SYNJ2: variants seen among roughly 807,000 people sequenced by gnomAD.
SYNJ2 encodes polyphosphatidylinositol phosphatase SYNJ2.
In SYNJ2, 116 loss-of-function variants were observed where a neutral mutation model predicts 141.3. That is an observed-to-expected ratio of 0.82 (90% CI 0.71 to 0.96). The LOEUF (loss-of-function observed/expected upper bound fraction) is 0.96. Ranked by LOEUF, SYNJ2 falls within the 40% of genes least tolerant of loss-of-function variation. The probability of loss-of-function intolerance (pLI) is 0.00; values close to 1 mark genes in which losing one functional copy is unlikely to be tolerated. For missense variants in SYNJ2, 1,873 were observed against 1,934.8 expected (o/e 0.97, Z 0.60); for synonymous variants, 745 against 777.7 (o/e 0.96, Z 0.70).
chr6:158,056,696 C>T (rs1337806093), intron 6 of SYNJ2, among the ~76,000 whole-genome samples: 2 of 152,176 alleles, frequency 1.3e-5, no homozygotes, highest in African/African-American at 2.4e-5. Context: ...TGGGTGCTTC[C>T]CAATTCTCTT....
chr6:158,084,808 T>A lies in SYNJ2; in HGVS notation c.3208+634T>A, dbSNP rs1379036072. Reference sequence around the variant, plus strand: ...GCTTGGGTGACAAAGTGAGATTCCGTCTCAAAACAACAACAACAAAAAAAC... The same window carrying A: ...GCTTGGGTGACAAAGTGAGATTCCGACTCAAAACAACAACAACAAAAAAAC... On this transcript the variant is annotated intron_variant, in intron 22 of 26. Transcript: ENST00000355585. This position sits in a 1 kb window ranked among gnomAD's most constrained non-coding sequence, Gnocchi z 5.0. 6.6e-6 allele frequency among the ~76,000 whole-genome samples: 1 copy of A among 151,770 alleles called. No individual in the cohort carries two copies. The highest frequency in any genetic ancestry group is 1.5e-5 in the Non-Finnish European group (1 of 67,988).
At chr6:158,012,520 A>G (rs1778304254) in intron 1 of SYNJ2, among the ~76,000 whole-genome samples, 1 of 152,234 alleles carries the variant, frequency 6.6e-6, no homozygotes, top group Non-Finnish European at 1.5e-5. Context: ...GGGAGCTGCA[A>G]GAGACAAGGA....
chr6:158,017,736 T>A (rs1181262960), intron 2 of SYNJ2: 4 of 531,470 alleles, frequency 7.5e-6, no homozygotes, highest in Non-Finnish European at 1.5e-5. Context: ...TCTTTTAAGA[T>A]GTTTCTTTAT....
Position 158,097,702 on chromosome 6 carries a change from T to A in SYNJ2, c.*1338T>A, listed in dbSNP as rs1783861622. 6.6e-6 allele frequency: 1 copy of A among 152,234 alleles called. No individual in the cohort carries two copies. Among genetic ancestry groups the A allele is most frequent in the African/African-American group, 2.4e-5 (1 of 41,458 alleles). The allele number at this position is 152,234 out of a possible 1,614,324, so 9.4% of individuals were successfully genotyped here. A position where few individuals can be genotyped will look rare whatever the true frequency, so the allele number is the denominator to read the frequency against. On this transcript the variant is annotated 3_prime_UTR_variant, in exon 27 of 27. Coordinates refer to ENST00000355585, the MANE Select transcript of SYNJ2 (RefSeq NM_003898.4). Reference sequence around the variant, plus strand: ...TGCCTGGGCTATGCCACTGTCTTGTTACCAATTAGACATCTGGAATTTCAT... The same window carrying A: ...TGCCTGGGCTATGCCACTGTCTTGTAACCAATTAGACATCTGGAATTTCAT...
Position 158,064,532 on chromosome 6 carries a change from C to T in SYNJ2, c.1210-69C>T, listed in dbSNP as rs924560110. 16 of 1,579,128 alleles carry T rather than the reference C, an allele frequency of 1.0e-5. No individual in the cohort carries two copies. In the South Asian group the frequency reaches 1.2e-4, roughly 11 times the overall value. On this transcript the variant is annotated intron_variant, in intron 9 of 26. Transcript: ENST00000355585. ...ATCCACAGGCTGCCGAATAAGGAAC[C>T]TCCTGGGACAGTGGCTGCAGGGCCT...
At chr6:157,987,653 C>T (rs777691748) in intron 1 of SYNJ2, among the ~76,000 whole-genome samples, 1 of 152,190 alleles carries the variant, frequency 6.6e-6, no homozygotes. Flanking sequence ...CCGCCCGCCT[C>T]GGCCTCCCAA....
At chr6:158,037,623 G>A (rs1370121432) in intron 4 of SYNJ2, among the ~76,000 whole-genome samples, 2 of 151,928 alleles carry the variant, frequency 1.3e-5, no homozygotes, top group African/African-American at 2.4e-5. Flanking sequence ...GGATGGTCTC[G>A]ATCTCCTGAC....
chr6:157,991,191 G>A (rs981220512), intron 1 of SYNJ2, among the ~76,000 whole-genome samples: 28 of 152,318 alleles, frequency 1.8e-4, no homozygotes, highest in African/African-American at 4.1e-4. Flanking sequence ...CACATTTGCC[G>A]GAGAAAGTGG....
intron 2 of SYNJ2, among the ~76,000 whole-genome samples, chr6:158,024,517 A>G (rs537063257): frequency 9.9e-5 from 15 of 152,232 alleles, no homozygotes; most frequent in Non-Finnish European, 2.2e-4. Flanking sequence ...CATTCAGCCA[A>G]TAGCAGGTAC....
At chr6:158,073,222 C>A (rs966322346) in intron 15 of SYNJ2, among the ~76,000 whole-genome samples, 2 of 151,918 alleles carry the variant, frequency 1.3e-5, no homozygotes, top group African/African-American at 4.8e-5. Flanking sequence ...TTTTTTGAGA[C>A]AGTCTCACTC....
At position 158,093,120 on chromosome 6, in the gene SYNJ2, CAT is replaced by C. The variant is rs1202439855; in HGVS notation, c.3744+18_3744+19del. 6.2e-7 allele frequency: 1 copy of C among 1,606,096 alleles called. No individual in the cohort carries two copies. The highest frequency in any genetic ancestry group is 8.5e-7 in the Non-Finnish European group (1 of 1,177,722). On this transcript the variant is annotated intron_variant, in intron 26 of 26. Transcript: ENST00000355585. ...GACAGGAAAGGTAAAAGCCTGGTAA[CAT>C]AAAACCTCTTACTCCTAAGTTGCTC...
rs866951163 is a variant in SYNJ2, at chr6:158,064,923, T to C, written c.1457T>C (p.Val486Ala). The C allele has an allele frequency of 4.3e-6, 7 of 1,613,568 alleles. No individual in the cohort carries two copies. Among genetic ancestry groups the C allele is most frequent in the East Asian group, 2.2e-5 (1 of 44,874 alleles). ...CAGGAGGCCATCAAGCTGCTGCTGGTTGGGGACGTCTACGGCGAGGAGGTG... is the reference window on the plus strand; with the variant it reads ...CAGGAGGCCATCAAGCTGCTGCTGGCTGGGGACGTCTACGGCGAGGAGGTG... ...VKQEAIKLLL[V>A]GDVYGEEVAD... is the part of the protein sequence containing the mutation. The change falls in exon 11 of 27, where the codon GTT becomes GCT. Residue 486 changes from valine (V) to alanine (A), a missense_variant. Transcript: ENST00000355585.
chr6:158,075,546 C>T (rs2128381145), intron 16 of SYNJ2, among the ~76,000 whole-genome samples: 1 of 151,864 alleles, frequency 6.6e-6, no homozygotes. Flanking sequence ...GAGACTGAGG[C>T]AGGAGAATCG....
chr6:158,055,496 G>A (rs1780813540), intron 6 of SYNJ2, among the ~76,000 whole-genome samples: 1 of 136,678 alleles, frequency 7.3e-6, no homozygotes, highest in Admixed American at 7.2e-5. Flanking sequence ...AACAATTTTG[G>A]CATTTTATGT....
chr6:158,039,406 C>T (rs187501291), intron 4 of SYNJ2, among the ~76,000 whole-genome samples: 3 of 152,316 alleles, frequency 2.0e-5, no homozygotes, highest in South Asian at 2.1e-4. Flanking sequence ...GAAGCAGCCC[C>T]GTGAGGATCG....
intron 1 of SYNJ2, among the ~76,000 whole-genome samples, chr6:157,987,562 C>T (rs1350717118): frequency 4.6e-5 from 7 of 152,048 alleles, no homozygotes; most frequent in Non-Finnish European, 7.4e-5. Context: ...CCATCACGTC[C>T]GGCTAATTTT....
chr6:158,071,646 C>T lies in SYNJ2; in HGVS notation c.1985C>T (p.Ala662Val), dbSNP rs1468846199. Residue 662 changes from alanine (A) to valine (V), a missense_variant, in exon 15 of 27, where the codon GCG becomes GTG. Physicochemically the swap from Ala to Val is moderately conservative, Grantham distance 64. Coordinates refer to ENST00000355585, the MANE Select transcript of SYNJ2 (RefSeq NM_003898.4). The surrounding 1 kb of genome is among the most constrained non-coding windows in gnomAD (Gnocchi z 4.3). ...DTVKTGMGGKAGNKGAVGIRF... is the reference protein window; with the variant it reads ...DTVKTGMGGKVGNKGAVGIRF... ...GTGAAGACGGGCATGGGGGGCAAGG[C>T]GGGGAACAAGGGCGCCGTCGGCATC... 3.7e-6 allele frequency: 6 copies of T among 1,613,904 alleles called. No individual in the cohort carries two copies. Among genetic ancestry groups the T allele is most frequent in the Non-Finnish European group, 4.2e-6 (5 of 1,180,024 alleles).
chr6:158,083,743 T>A, intron 21 of SYNJ2, 146 bp downstream of exon 21: 2 of 1,135,580 alleles, frequency 1.8e-6, no homozygotes, highest in Non-Finnish European at 1.3e-6. Flanking sequence ...TGAGCATGTT[T>A]GTATGTGTGG....
intron 3 of SYNJ2, among the ~76,000 whole-genome samples, chr6:158,032,244 A>T (rs1047664064): frequency 6.6e-6 from 1 of 152,196 alleles, no homozygotes; most frequent in Non-Finnish European, 1.5e-5. Flanking sequence ...GCCTGAGAGC[A>T]GGAAGCTTGG....
Sources: gnomAD v4.1 joint callset for allele counts (sites outside exome capture counted in the v4.1 genomes callset) on GRCh38, gnomAD v4.1.1 for gene constraint, Gnocchi (gnomAD v3.1) non-coding constraint, MANE v1.5 for transcripts, NCBI Gene and HGNC (gene_info 2026-07-23, HGNC 2026-07-21) for gene names.